The following FBXL14 variants were observed in gnomAD, a reference collection of about 807,000 sequenced individuals.
The protein encoded by FBXL14 is F-box/LRR-repeat protein 14.
Under a neutral mutation model 24.5 loss-of-function variants are expected in FBXL14, and 11 were observed. The ratio of observed to expected loss-of-function variants is 0.45; its 90% CI spans 0.28 to 0.74. The LOEUF (loss-of-function observed/expected upper bound fraction) is 0.74, where lower values mean the gene tolerates loss of function less well. Ranked by LOEUF, FBXL14 falls within the 30% of genes least tolerant of loss-of-function variation. The probability of loss-of-function intolerance (pLI) is 0.12; values close to 1 mark genes in which losing one functional copy is unlikely to be tolerated. For missense variants in FBXL14, 384 were observed against 545.6 expected (o/e 0.70, Z 2.95); for synonymous variants, 294 against 240.4 (o/e 1.22, Z -2.06).
chr12:1,594,501 C>T lies in FBXL14; in HGVS notation c.-435G>A, dbSNP rs946186058. Among the ~76,000 whole-genome samples, 2 of 147,154 alleles carry T rather than the reference C, an allele frequency of 1.4e-5. No individual in the cohort carries two copies. Among genetic ancestry groups the T allele is most frequent in the South Asian group, 2.1e-4 (1 of 4,800 alleles). On this transcript the variant is annotated 5_prime_UTR_variant, in exon 1 of 2. Coordinates refer to ENST00000339235, the MANE Select transcript of FBXL14 (RefSeq NM_152441.3). ...CGCTGCTCCGCGGGCCGGCGGGCGG[C>T]GAGGGGGCCCCGGGGGCCGGGCGCA...
At position 1,586,198 on chromosome 12, in the gene FBXL14, T is replaced by TA. The variant is rs764364565; in HGVS notation, c.1194+6674dup. On this transcript the variant is annotated intron_variant, in intron 1 of 1. Coordinates refer to ENST00000339235, the MANE Select transcript of FBXL14 (RefSeq NM_152441.3). ...GCATTTGGGGTTTTTTTTTTTTTTTTACTCCTAATGAAAATAATATGCTTT... is the reference window on the plus strand; with the variant it reads ...GCATTTGGGGTTTTTTTTTTTTTTTTAACTCCTAATGAAAATAATATGCTTT... 1.5e-3 allele frequency among the ~76,000 whole-genome samples: 234 copies of TA among 151,406 alleles called. 4 individuals are homozygous for TA. The East Asian group carries it at 0.04, about 26-fold the overall frequency.
intron 1 of FBXL14, 56 bp downstream of exon 1, chr12:1,592,817 A>G: frequency 7.0e-7 from 1 of 1,428,246 alleles, no homozygotes. Context: ...GGCGGTGGTA[A>G]TGGGAGGATG....
intron 1 of FBXL14, among the ~76,000 whole-genome samples, chr12:1,590,652 A>G (rs997714105): frequency 2.7e-4 from 41 of 152,236 alleles, no homozygotes; most frequent in African/African-American, 9.9e-4. Context: ...GAGTGGATCC[A>G]GCGGCCAGCC....
chr12:1,593,928 C>T lies in FBXL14; in HGVS notation c.139G>A (p.Gly47Arg). 1 of 1,578,096 alleles carries T rather than the reference C, an allele frequency of 6.3e-7. No individual in the cohort carries two copies. Among genetic ancestry groups the T allele is most frequent in the Non-Finnish European group, 8.6e-7 (1 of 1,169,232 alleles). Residue 47 changes from glycine (G) to arginine (R), a missense_variant, in exon 1 of 2, where the codon GGG (glycine) becomes AGG (arginine). Physicochemically the swap from Gly to Arg is moderately radical, Grantham distance 125. Transcript: ENST00000339235. This position sits in a 1 kb window ranked among gnomAD's most constrained non-coding sequence, Gnocchi z 7.4. Reference sequence around the variant, plus strand: ...CGCAGGTGCAGCTTGGCCTCCACCCCCCGCCACACCGACTTGTGGTAGGCG... The same window carrying T: ...CGCAGGTGCAGCTTGGCCTCCACCCTCCGCCACACCGACTTGTGGTAGGCG... Reference protein sequence around the residue: ...DAAYHKSVWRGVEAKLHLRRA... With the variant: ...DAAYHKSVWRRVEAKLHLRRA...
At chr12:1,581,127 A>G (rs1412656407) in intron 1 of FBXL14, among the ~76,000 whole-genome samples, 1 of 151,866 alleles carries the variant, frequency 6.6e-6, no homozygotes, top group Non-Finnish European at 1.5e-5. Flanking sequence ...CCCTCTCGAC[A>G]GTCTTCATAG....
chr12:1,570,789 G>A (rs754075154), intron 1 of FBXL14, among the ~76,000 whole-genome samples: 16 of 151,984 alleles, frequency 1.1e-4, no homozygotes, highest in Admixed American at 5.2e-4. Context: ...CGTGACCATC[G>A]AGACCAAGCG....
At chr12:1,577,851 A>G (rs1273504843) in intron 1 of FBXL14, among the ~76,000 whole-genome samples, 1 of 152,210 alleles carries the variant, frequency 6.6e-6, no homozygotes, top group Non-Finnish European at 1.5e-5. Context: ...AAGGCTAAAC[A>G]TATTTGAGTA....
At chr12:1,576,961 C>T (rs928705441) in intron 1 of FBXL14, among the ~76,000 whole-genome samples, 1 of 152,190 alleles carries the variant, frequency 6.6e-6, no homozygotes, top group Non-Finnish European at 1.5e-5. Flanking sequence ...TGCTGCAATG[C>T]GTTGGTCAGC....
intron 1 of FBXL14, among the ~76,000 whole-genome samples, chr12:1,590,919 C>T (rs750285344): frequency 6.6e-6 from 1 of 152,172 alleles, no homozygotes; most frequent in Non-Finnish European, 1.5e-5. Flanking sequence ...TCACATCCTC[C>T]CCACACCCAC....
chr12:1,570,519 G>C (rs1279317277), intron 1 of FBXL14, among the ~76,000 whole-genome samples: 1 of 152,200 alleles, frequency 6.6e-6, no homozygotes, highest in Non-Finnish European at 1.5e-5. Context: ...GCATGGCTGT[G>C]TGCTCTGCCT....
At chr12:1,572,725 C>T (rs1321405639) in intron 1 of FBXL14, among the ~76,000 whole-genome samples, 1 of 152,144 alleles carries the variant, frequency 6.6e-6, no homozygotes, top group Non-Finnish European at 1.5e-5. Flanking sequence ...CAAGAAGGAG[C>T]CCACTGGAGA....
chr12:1,584,211 C>T (rs1222121606), intron 1 of FBXL14, among the ~76,000 whole-genome samples: 1 of 152,038 alleles, frequency 6.6e-6, no homozygotes, highest in Admixed American at 6.6e-5. Context: ...TAATAATGGG[C>T]ATGGTGGCAC....
intron 1 of FBXL14, among the ~76,000 whole-genome samples, chr12:1,587,754 T>G (rs1193716095): frequency 6.6e-6 from 1 of 152,224 alleles, no homozygotes; most frequent in African/African-American, 2.4e-5. Context: ...TGCTGCCTGA[T>G]AGTTAACCAA....
intron 1 of FBXL14, among the ~76,000 whole-genome samples, chr12:1,573,740 C>G (rs538514870): frequency 2.0e-5 from 3 of 152,318 alleles, no homozygotes; most frequent in African/African-American, 7.2e-5. Context: ...CCTGGTGGCT[C>G]ACACCTGTAA....
intron 1 of FBXL14, among the ~76,000 whole-genome samples, chr12:1,574,336 C>T (rs1180644609): frequency 8.7e-3 from 2 of 230 alleles, no homozygotes; most frequent in Admixed American, 0.071. Flanking sequence ...GAGGAACAGC[C>T]ATGTGGGTGG....
intron 1 of FBXL14, among the ~76,000 whole-genome samples, chr12:1,570,486 G>A (rs568503221): frequency 6.6e-6 from 1 of 152,280 alleles, no homozygotes; most frequent in East Asian, 1.9e-4. Flanking sequence ...TGCCTGAAGG[G>A]TGAAGGTGGG....
Position 1,579,927 on chromosome 12 carries a change from G to A in FBXL14, c.1194+12946C>T, listed in dbSNP as rs2094463005. 6.6e-6 allele frequency among the ~76,000 whole-genome samples: 1 copy of A among 152,176 alleles called. No individual in the cohort carries two copies. The highest frequency in any genetic ancestry group is 2.1e-4 in the South Asian group (1 of 4,830). ...TCATCCTCATCGATTAATCCTTAAT[G>A]AACACTCATGCATAGATGACATCAA... On this transcript the variant is annotated intron_variant, in intron 1 of 1. Coordinates refer to ENST00000339235, the MANE Select transcript of FBXL14 (RefSeq NM_152441.3). The surrounding 1 kb of genome is among the most constrained non-coding windows in gnomAD (Gnocchi z 4.3).
At position 1,594,386 on chromosome 12, in the gene FBXL14, G is replaced by C. The variant is rs1156817116; in HGVS notation, c.-320C>G. 6.9e-6 allele frequency among the ~76,000 whole-genome samples: 1 copy of C among 145,834 alleles called. No individual in the cohort carries two copies. The highest frequency in any genetic ancestry group is 1.5e-5 in the Non-Finnish European group (1 of 65,694). ...GGAGGCCGGCCGCCGCCGCCGCCTC[G>C]GCTCTACCCACGCCGCGCCCGGGCC... is the stretch of plus-strand genomic sequence containing the variant. On this transcript the variant is annotated 5_prime_UTR_variant, in exon 1 of 2. Coordinates refer to ENST00000339235, the MANE Select transcript of FBXL14 (RefSeq NM_152441.3).
At chr12:1,591,523 G>GGTCTT (rs997790677) in intron 1 of FBXL14, among the ~76,000 whole-genome samples, 71 of 152,020 alleles carry the variant, frequency 4.7e-4, no homozygotes, top group African/African-American at 1.6e-3. Context: ...TTAACTCCAT[G>GGTCTT]GTCTTGCATG....
Sources: gnomAD v4.1 joint callset for allele counts (sites outside exome capture counted in the v4.1 genomes callset) on GRCh38, gnomAD v4.1.1 for gene constraint, Gnocchi (gnomAD v3.1) non-coding constraint, MANE v1.5 for transcripts, NCBI Gene and HGNC (gene_info 2026-07-23, HGNC 2026-07-21) for gene names.